The following MMP16 variants were observed in gnomAD, a reference collection of about 807,000 sequenced individuals.
MMP16 encodes matrix metallopeptidase 16.
A neutral mutation model predicts 67.8 loss-of-function variants in MMP16; 12 were observed. That is an observed-to-expected ratio of 0.18 (90% CI 0.11 to 0.29). The LOEUF (loss-of-function observed/expected upper bound fraction) is 0.29. Ranked by LOEUF, MMP16 falls within the 10% of genes least tolerant of loss-of-function variation. MMP16 has a pLI of 1.00. For synonymous variants in MMP16, 249 were observed against 255.9 expected (o/e 0.97, Z 0.26); for missense variants, 475 against 765.7 (o/e 0.62, Z 4.48).
intron 4 of MMP16, among the ~76,000 whole-genome samples, chr8:88,145,776 CTTCTAGACCAGTGA>C (rs1808280255): frequency 1.3e-5 from 2 of 151,944 alleles, no homozygotes; most frequent in Non-Finnish European, 2.9e-5. Flanking sequence ...ATTACCTTGT[CTTCTAGACCAGTGA>C]TTCTCAACTG....
intron 1 of MMP16, among the ~76,000 whole-genome samples, chr8:88,217,497 G>C (rs1367791762): frequency 6.6e-6 from 1 of 151,716 alleles, no homozygotes; most frequent in Admixed American, 6.6e-5. Context: ...TCCACCACAG[G>C]GTTCAATACA....
chr8:88,141,945 C>T (rs1392361769), intron 4 of MMP16, among the ~76,000 whole-genome samples: 5 of 150,078 alleles, frequency 3.3e-5, no homozygotes, highest in Non-Finnish European at 5.9e-5. Context: ...GACAGAGTCT[C>T]GCTCTGTCGC....
intron 1 of MMP16, among the ~76,000 whole-genome samples, chr8:88,222,587 A>C (rs1028495120): frequency 2.0e-5 from 3 of 152,066 alleles, no homozygotes; most frequent in Non-Finnish European, 2.9e-5. Flanking sequence ...CAAAAACAAG[A>C]AATGGGGAAA....
At chr8:88,260,884 A>G (rs1810378222) in intron 1 of MMP16, among the ~76,000 whole-genome samples, 1 of 152,152 alleles carries the variant, frequency 6.6e-6, no homozygotes, top group South Asian at 2.1e-4. Context: ...AGAGAAGTAA[A>G]TTGTTTCCAT....
intron 1 of MMP16, among the ~76,000 whole-genome samples, chr8:88,270,432 A>C (rs16880535): frequency 0.036 from 5,406 of 152,250 alleles, 320 homozygotes; most frequent in African/African-American, 0.12. Context: ...CAACTCATAT[A>C]GTATCTGACA....
chr8:88,189,517 C>T (rs959065316), intron 2 of MMP16, among the ~76,000 whole-genome samples: 3 of 152,156 alleles, frequency 2.0e-5, no homozygotes, highest in Non-Finnish European at 4.4e-5. Flanking sequence ...CTCTCACTCT[C>T]AACACTTCCT....
At chr8:88,048,242 G>C (rs1428531651) in intron 8 of MMP16, among the ~76,000 whole-genome samples, 2 of 152,080 alleles carry the variant, frequency 1.3e-5, no homozygotes, top group Non-Finnish European at 2.9e-5. Context: ...TCAGTGTATA[G>C]ACATTAATAC....
At chr8:88,096,236 T>C (rs1213680508) in intron 6 of MMP16, among the ~76,000 whole-genome samples, 1 of 151,916 alleles carries the variant, frequency 6.6e-6, no homozygotes, top group Admixed American at 6.6e-5. Flanking sequence ...TATTAATGGG[T>C]TTGATTATGA....
intron 6 of MMP16, among the ~76,000 whole-genome samples, chr8:88,080,456 G>A (rs553744287): frequency 1.3e-5 from 2 of 152,230 alleles, no homozygotes; most frequent in East Asian, 1.9e-4. Context: ...TTTATTTTGA[G>A]ACAGAGTCTT....
At chr8:88,191,421 T>C (rs547079300) in intron 2 of MMP16, among the ~76,000 whole-genome samples, 50 of 152,322 alleles carry the variant, frequency 3.3e-4, no homozygotes, top group African/African-American at 1.1e-3. Context: ...ATTCTAATTC[T>C]AATAACTATT....
rs143078763 is a variant in MMP16, at chr8:88,071,526, G to T, written c.1222+3079C>A. Among the ~76,000 whole-genome samples, 394 of 151,950 alleles carry T rather than the reference G, an allele frequency of 2.6e-3. 2 individuals carry two copies. The highest frequency in any genetic ancestry group is 9.0e-3 in the African/African-American group (373 of 41,500). ...GATGATTTCTGTAGAGAGAGAAGAA[G>T]AAAACAAAGATAAATAATGTAAGGC... On this transcript the variant is annotated intron_variant, in intron 7 of 9. Coordinates refer to ENST00000286614, the MANE Select transcript of MMP16 (RefSeq NM_005941.5).
intron 1 of MMP16, among the ~76,000 whole-genome samples, chr8:88,326,078 T>G (rs1811532524): frequency 6.6e-6 from 1 of 152,204 alleles, no homozygotes; most frequent in Non-Finnish European, 1.5e-5. Context: ...TAAAAAATTA[T>G]TCATAATTCG....
chr8:88,069,791 T>A (rs1294997486), intron 7 of MMP16, among the ~76,000 whole-genome samples: 1 of 152,156 alleles, frequency 6.6e-6, no homozygotes, highest in Non-Finnish European at 1.5e-5. Context: ...AGGAATCTCA[T>A]GTCTTCTGTC....
In MMP16 at chr8:88,157,186, A is replaced by C. The variant is rs187363690; in HGVS notation, c.709+10483T>G. 1.3e-3 allele frequency among the ~76,000 whole-genome samples: 202 copies of C among 152,032 alleles called. 1 individual carries two copies. The highest frequency in any genetic ancestry group is 4.9e-3 in the African/African-American group (202 of 41,504). On this transcript the variant is annotated intron_variant, in intron 4 of 9. Coordinates refer to ENST00000286614, the MANE Select transcript of MMP16 (RefSeq NM_005941.5). ...CAACCATGGATTGAAATATTTGAACAAAAAAAATACACGGTTGCATCTGTA... is the reference window on the plus strand; with the variant it reads ...CAACCATGGATTGAAATATTTGAACCAAAAAAATACACGGTTGCATCTGTA...
chr8:88,279,736 G>C (rs1208389925), intron 1 of MMP16, among the ~76,000 whole-genome samples: 4 of 152,122 alleles, frequency 2.6e-5, no homozygotes, highest in Non-Finnish European at 5.9e-5. Flanking sequence ...AGGAGTGTCT[G>C]CCACAAATGC....
intron 3 of MMP16, among the ~76,000 whole-genome samples, chr8:88,171,717 G>A (rs890431048): frequency 6.6e-5 from 10 of 152,240 alleles, no homozygotes; most frequent in Admixed American, 3.3e-4. Context: ...TAAGCACTCA[G>A]TGGTCTTACT....
At chr8:88,183,712 C>CTTTTTTTTTTT (rs71277981) in intron 3 of MMP16, among the ~76,000 whole-genome samples, 5 of 92,064 alleles carry the variant, frequency 5.4e-5, no homozygotes, top group Admixed American at 1.6e-4. Flanking sequence ...AAATGTCCTT[C>CTTTTTTTTTTT]TTTTTTTTTT....
rs1207686533 is a variant in MMP16 at position 88,152,364 on chromosome 8, T to C, written c.709+15305A>G. On this transcript the variant is annotated intron_variant, in intron 4 of 9. Transcript: ENST00000286614. ...AGGGACTCCTCCCTAACTCATTTTA[T>C]GAGGCCAGCATCATTCTGATACCAA... 3.9e-3 allele frequency among the ~76,000 whole-genome samples: 495 copies of C among 126,650 alleles called. 7 individuals are homozygous for C. The highest frequency in any genetic ancestry group is 0.015 in the African/African-American group (472 of 31,840). 83.1% of individuals were successfully genotyped at this position (126,650 alleles called of 152,430 possible). A position where few individuals can be genotyped will look rare whatever the true frequency, so the allele number is the denominator to read the frequency against.
intron 1 of MMP16, among the ~76,000 whole-genome samples, chr8:88,269,016 A>G (rs1810522791): frequency 6.6e-6 from 1 of 152,130 alleles, no homozygotes; most frequent in Non-Finnish European, 1.5e-5. Context: ...GGTAAAAAGC[A>G]GCAATCCAGA....
Sources: allele counts gnomAD v4.1 joint callset (sites outside exome capture counted in the v4.1 genomes callset), GRCh38; gene constraint gnomAD v4.1.1; transcripts MANE v1.5; gene names NCBI Gene and HGNC (gene_info 2026-07-23, HGNC 2026-07-21).